Variants in MBP observed in about 807,000 individuals in gnomAD.
MBP encodes the protein myelin basic protein, also known as Golli-MBP.
MBP carries 16 observed loss-of-function variants against 35.8 expected under a neutral mutation model. The ratio of observed to expected loss-of-function variants is 0.45; its 90% confidence interval spans 0.30 to 0.68. The LOEUF (loss-of-function observed/expected upper bound fraction) is 0.68, where lower values mean the gene tolerates loss of function less well. Ranked by LOEUF, MBP falls within the 30% of genes least tolerant of loss-of-function variation. The pLI is 0.08. For synonymous variants in MBP, 143 were observed against 159.6 expected (o/e 0.90, Z 0.78); for missense variants, 380 against 404.7 (o/e 0.94, Z 0.52).
intron 4 of MBP, chr18:77,006,929 A>T (rs1971015822): frequency 6.5e-6 from 1 of 152,768 alleles, no homozygotes; most frequent in African/African-American, 2.4e-5. Context: ...GGGGAAGTAG[A>T]CAGACAGAGA....
intron 1 of MBP, among the ~76,000 whole-genome samples, chr18:77,107,082 G>A (rs1976302202): frequency 6.6e-6 from 1 of 152,136 alleles, no homozygotes; most frequent in Non-Finnish European, 1.5e-5. Flanking sequence ...AATTCCATGT[G>A]GTGTTGTTTT....
chr18:77,122,667 C>A (rs889304490), intron 1 of MBP, among the ~76,000 whole-genome samples: 1 of 152,148 alleles, frequency 6.6e-6, no homozygotes, highest in Non-Finnish European at 1.5e-5. Flanking sequence ...CTCAGCCTCC[C>A]GAGTAGCTGG....
chr18:77,104,354 A>G (rs1004584963), intron 2 of MBP, among the ~76,000 whole-genome samples: 6 of 152,232 alleles, frequency 3.9e-5, no homozygotes, highest in Admixed American at 6.5e-5. Context: ...GGAGATTCCA[A>G]TATGCAGGCA....
At chr18:76,987,336 C>T in intron 7 of MBP, 1 of 985,408 alleles carries the variant, frequency 1.0e-6, no homozygotes, top group Non-Finnish European at 1.2e-6. Context: ...TGTACATTTG[C>T]TACATGATTG....
chr18:77,114,670 G>A (rs1308923614), intron 1 of MBP: 1 of 152,300 alleles, frequency 6.6e-6, no homozygotes, highest in African/African-American at 2.4e-5. Flanking sequence ...GCCTTCGGAT[G>A]GCACGGGGAG....
intron 2 of MBP, among the ~76,000 whole-genome samples, chr18:77,087,050 A>G (rs1975264082): frequency 6.6e-6 from 1 of 152,236 alleles, no homozygotes; most frequent in Non-Finnish European, 1.5e-5. Context: ...TGGTTCATCA[A>G]TCACTACAGC....
At chr18:77,054,216 C>T (rs368940745) in intron 3 of MBP, among the ~76,000 whole-genome samples, 7 of 152,246 alleles carry the variant, frequency 4.6e-5, no homozygotes, top group East Asian at 1.9e-4. Context: ...GAGTGGACAT[C>T]ACCTTGAGCC....
intron 4 of MBP, among the ~76,000 whole-genome samples, chr18:76,994,504 G>A (rs933653355): frequency 1.3e-5 from 2 of 152,250 alleles, no homozygotes; most frequent in South Asian, 2.1e-4. Flanking sequence ...GAGATTCAAC[G>A]GAGCATTACA....
chr18:77,017,327 C>A, intron 3 of MBP, 59 bp from the exon 4 acceptor site: 1 of 1,445,454 alleles, frequency 6.9e-7, no homozygotes, highest in East Asian at 2.3e-5. Flanking sequence ...CCGGACAAAG[C>A]AGCTTTCTCT....
At chr18:76,990,878 G>T (rs1415547515) in intron 4 of MBP, 2 of 301,494 alleles carry the variant, frequency 6.6e-6, no homozygotes, top group Non-Finnish European at 1.4e-5. Context: ...GACTTGCTGG[G>T]GAGAGATTTC....
At chr18:77,041,929 T>TA (rs11370656) in intron 3 of MBP, among the ~76,000 whole-genome samples, 6,496 of 146,362 alleles carry the variant, frequency 0.044, 472 homozygotes, top group African/African-American at 0.15. Flanking sequence ...AAAGTATAAT[T>TA]AAAAAAAAAA....
intron 3 of MBP, among the ~76,000 whole-genome samples, chr18:77,046,562 A>G (rs1973265043): frequency 6.6e-6 from 1 of 152,104 alleles, no homozygotes; most frequent in African/African-American, 2.4e-5. Flanking sequence ...CTCCTGACAA[A>G]CCAGCTGTCT....
At chr18:76,993,769 G>A (rs1337393230) in intron 4 of MBP, among the ~76,000 whole-genome samples, 3 of 152,142 alleles carry the variant, frequency 2.0e-5, no homozygotes, top group Non-Finnish European at 2.9e-5. Flanking sequence ...GCGCTTCATG[G>A]CGGGTACCCC....
chr18:77,033,304 A>G lies in MBP; in HGVS notation c.140-16036T>C, dbSNP rs148282885. Among the ~76,000 whole-genome samples, 12 of 152,184 alleles carry G rather than the reference A, an allele frequency of 7.9e-5. No individual in the cohort carries two copies. The East Asian group carries it at 1.6e-3, about 20-fold the overall frequency. On this transcript the variant is annotated intron_variant, in intron 3 of 8. Transcript: ENST00000355994. The stretch of plus-strand genomic sequence containing the variant: ...ACTTTGATTCTTGGTTCTATCATCT[A>G]CTGTGTGACCTTGAGCACATAATTT...
Position 77,080,693 on chromosome 18 carries a change from AT to A in MBP, c.52-14309del, listed in dbSNP as rs901744059. ...ACTTTTTATATTTTATTTATTATTTATTTTTTTTATGATGAAGTCTCACTCT... is the reference window on the plus strand; with the variant it reads ...ACTTTTTATATTTTATTTATTATTTATTTTTTTATGATGAAGTCTCACTCT... On this transcript the variant is annotated intron_variant, in intron 2 of 8. Coordinates refer to ENST00000355994, the MANE Select transcript of MBP (RefSeq NM_001025101.2). Among the ~76,000 whole-genome samples the A allele has an allele frequency of 2.5e-3, 314 of 125,432 alleles. 1 individual carries two copies. The highest frequency in any genetic ancestry group is 4.4e-3 in the Non-Finnish European group (229 of 52,054). The allele number at this position is 125,432 out of a possible 152,430, so 82.3% of individuals were successfully genotyped here.
In MBP at chr18:77,039,684, C is replaced by T. The variant is rs537325657; in HGVS notation, c.140-22416G>A. ...AACAGCATGAGCAGCCTGACCTCAT[C>T]TCTGCTTCCTGCCAGAAGAAAGTTG... On this transcript the variant is annotated intron_variant, in intron 3 of 8. Coordinates refer to ENST00000355994, the MANE Select transcript of MBP (RefSeq NM_001025101.2). 2.0e-5 allele frequency among the ~76,000 whole-genome samples: 3 copies of T among 152,302 alleles called. No homozygotes were observed. In the East Asian group the frequency reaches 5.8e-4, roughly 29 times the overall value.
At chr18:77,106,771 T>C (rs773286553) in intron 1 of MBP, among the ~76,000 whole-genome samples, 1 of 152,178 alleles carries the variant, frequency 6.6e-6, no homozygotes, top group Non-Finnish European at 1.5e-5. Flanking sequence ...AATAGTTTGA[T>C]ATGTATGATT....
intron 3 of MBP, among the ~76,000 whole-genome samples, chr18:77,063,033 T>C (rs189276334): frequency 3.3e-5 from 5 of 152,290 alleles, no homozygotes; most frequent in Admixed American, 2.6e-4. Flanking sequence ...ACATCAGGAA[T>C]GGTTTCCCAA....
chr18:77,125,336 T>C (rs12456940), intron 1 of MBP, among the ~76,000 whole-genome samples: 17,095 of 152,242 alleles, frequency 0.11, 1,028 homozygotes, highest in African/African-American at 0.13. Context: ...TTCGAACATA[T>C]TAAAAAGCAC....
Sources: allele counts gnomAD v4.1 joint callset (sites outside exome capture counted in the v4.1 genomes callset), GRCh38; gene constraint gnomAD v4.1.1; transcripts MANE v1.5; gene names NCBI Gene and HGNC (gene_info 2026-07-23, HGNC 2026-07-21).